The following SEMA3A variants were observed in gnomAD, a reference collection of about 807,000 sequenced individuals.
SEMA3A encodes semaphorin 3A.
SEMA3A carries 29 observed loss-of-function variants against 97.9 expected under a neutral mutation model. That is an observed-to-expected ratio of 0.30 (90% CI 0.22 to 0.40). SEMA3A has a LOEUF of 0.40. Ranked by LOEUF, SEMA3A falls within the 10% of genes least tolerant of loss-of-function variation. SEMA3A has a pLI of 1.00. For missense variants in SEMA3A, 763 were observed against 951.3 expected (o/e 0.80, Z 2.60); for synonymous variants, 321 against 323.7 (o/e 0.99, Z 0.09).
intron 5 of SEMA3A, among the ~76,000 whole-genome samples, chr7:84,058,999 T>C (rs760679895): frequency 6.6e-6 from 1 of 152,044 alleles, no homozygotes; most frequent in Non-Finnish European, 1.5e-5. Flanking sequence ...CTGAGAAACA[T>C]ACCATGAAGT....
At chr7:84,202,968 C>T (rs1439960760) in intron 3 of SEMA3A, among the ~76,000 whole-genome samples, 2 of 152,004 alleles carry the variant, frequency 1.3e-5, no homozygotes, top group African/African-American at 4.8e-5. Flanking sequence ...TGTTGTTTTT[C>T]ATCCCTTCTA....
rs150205475 is a variant in SEMA3A at position 83,961,735 on chromosome 7, G to A, written c.1952C>T (p.Ala651Val). 60 of 1,613,718 alleles carry A rather than the reference G, an allele frequency of 3.7e-5. No individual in the cohort carries two copies. The highest frequency in any genetic ancestry group is 6.7e-5 in the African/African-American group (5 of 75,008). Residue 651 changes from alanine to valine, a missense_variant, in exon 17 of 17, where the codon GCG (alanine) becomes GTG (valine). By Grantham distance (64) the Ala-to-Val change is moderately conservative. Around this residue, in one of 2 missense-constraint regions of SEMA3A, gnomAD observed 678 missense variants for 881.3 expected, o/e 0.77. Transcript: ENST00000265362. ...AGTTTGTATGAACCCATGTTCCACC[G>A]CATGGCAGAGGTAATTGCCTGAATC... is the stretch of plus-strand genomic sequence containing the variant. ...QKDSGNYLCHAVEHGFIQTLL... is the reference protein window; with the variant it reads ...QKDSGNYLCHVVEHGFIQTLL...
chr7:84,170,464 A>G lies in SEMA3A; in HGVS notation c.112+24011T>C, dbSNP rs117698375. Among the ~76,000 whole-genome samples the G allele has an allele frequency of 7.5e-3, 1,142 of 152,072 alleles. 7 individuals are homozygous for G. Among genetic ancestry groups the G allele is most frequent in the Non-Finnish European group, 0.012 (843 of 67,832 alleles). On this transcript the variant is annotated intron_variant, in intron 1 of 16. Transcript: ENST00000265362. The stretch of plus-strand genomic sequence containing the variant: ...CTTTAACAAATACTTTATTTGGTTT[A>G]TTTAGAAAATCCTATTGCAAATTTT...
intron 2 of SEMA3A, among the ~76,000 whole-genome samples, chr7:84,348,062 G>T (rs1802344806): frequency 6.6e-6 from 1 of 151,986 alleles, no homozygotes; most frequent in South Asian, 2.1e-4. Context: ...AATGTATGGG[G>T]ACTCTGCATT....
intron 5 of SEMA3A, among the ~76,000 whole-genome samples, chr7:84,051,261 C>T (rs376929285): frequency 6.6e-6 from 1 of 151,928 alleles, no homozygotes; most frequent in South Asian, 2.1e-4. Context: ...TGATTGGTAG[C>T]TTGATGGGGA....
intron 12 of SEMA3A, among the ~76,000 whole-genome samples, chr7:83,990,362 CT>C (rs1393051080): frequency 6.6e-6 from 1 of 151,656 alleles, no homozygotes; most frequent in Non-Finnish European, 1.5e-5. Context: ...GTTGCCATGG[CT>C]TTTGGTGTTT....
rs202150991 is a variant in SEMA3A, at chr7:84,149,046, A to AC, written c.113-14096dup. On this transcript the variant is annotated intron_variant, in intron 1 of 16. Coordinates refer to ENST00000265362, the MANE Select transcript of SEMA3A (RefSeq NM_006080.3). ...ACTGCACAAAGGGTTGATTCTTCCA[A>AC]CCCCACCTTGTTCAAGAGTTAACTG... Among the ~76,000 whole-genome samples the AC allele has an allele frequency of 1.1e-3, 174 of 152,202 alleles. 1 individual carries two copies. The East Asian group carries it at 0.013, about 12-fold the overall frequency.
At chr7:84,252,882 T>G (rs1799640594) in intron 3 of SEMA3A, among the ~76,000 whole-genome samples, 1 of 152,072 alleles carries the variant, frequency 6.6e-6, no homozygotes, top group Admixed American at 6.6e-5. Context: ...TATTTTTATT[T>G]TATTTTATTT....
At chr7:84,158,747 A>T (rs1488223707) in intron 1 of SEMA3A, among the ~76,000 whole-genome samples, 1 of 152,208 alleles carries the variant, frequency 6.6e-6, no homozygotes, top group Non-Finnish European at 1.5e-5. Context: ...ATTAAAAATT[A>T]TTGAGAAAAT....
At chr7:84,387,746 C>A (rs1803436397) in intron 1 of SEMA3A, among the ~76,000 whole-genome samples, 1 of 152,082 alleles carries the variant, frequency 6.6e-6, no homozygotes, top group Non-Finnish European at 1.5e-5. Context: ...CTCTTTAAAA[C>A]CAGAAACTGT....
intron 3 of SEMA3A, among the ~76,000 whole-genome samples, chr7:84,249,479 A>T (rs1799558403): frequency 6.6e-6 from 1 of 151,978 alleles, no homozygotes; most frequent in African/African-American, 2.4e-5. Context: ...ATGCAGGTAA[A>T]ATAAACACAT....
intron 1 of SEMA3A, among the ~76,000 whole-genome samples, chr7:84,153,359 T>G (rs2116133713): frequency 6.6e-6 from 1 of 152,312 alleles, no homozygotes; most frequent in South Asian, 2.1e-4. Flanking sequence ...AGGGAGCATT[T>G]GAACTATCAG....
At chr7:84,001,164 C>G (rs1790431753) in intron 12 of SEMA3A, among the ~76,000 whole-genome samples, 1 of 150,984 alleles carries the variant, frequency 6.6e-6, no homozygotes, top group Non-Finnish European at 1.5e-5. Flanking sequence ...ATGTATTTTT[C>G]TGTCATATGT....
Position 83,958,144 on chromosome 7 carries a change from A to T in SEMA3A, c.*3227T>A, listed in dbSNP as rs961289126. On this transcript the variant is annotated 3_prime_UTR_variant, in exon 17 of 17. Coordinates refer to ENST00000265362, the MANE Select transcript of SEMA3A (RefSeq NM_006080.3). ...ACATTTCCTTTTTAGGTATGACATT[A>T]AAAAGAACAATACTTAATTTAAAGG... 6.6e-6 allele frequency: 1 copy of T among 152,122 alleles called. No individual in the cohort carries two copies. The highest frequency in any genetic ancestry group is 1.5e-5 in the Non-Finnish European group (1 of 67,950). The allele number at this position is 152,122 out of a possible 1,614,324, so 9.4% of individuals were successfully genotyped here.
At chr7:84,415,711 T>C (rs1040742351) in intron 1 of SEMA3A, among the ~76,000 whole-genome samples, 1 of 152,084 alleles carries the variant, frequency 6.6e-6, no homozygotes, top group East Asian at 1.9e-4. Context: ...ATATGTAGCA[T>C]GTTTTGGCAT....
At chr7:84,403,963 CG>C (rs1803987191) in intron 1 of SEMA3A, among the ~76,000 whole-genome samples, 1 of 152,000 alleles carries the variant, frequency 6.6e-6, no homozygotes, top group Non-Finnish European at 1.5e-5. Flanking sequence ...GCAGAAAAAC[CG>C]GAAACTCTAA....
At chr7:84,261,454 T>TC (rs754976730) in intron 3 of SEMA3A, among the ~76,000 whole-genome samples, 78 of 152,310 alleles carry the variant, frequency 5.1e-4, no homozygotes, top group Non-Finnish European at 3.7e-4. Context: ...ATCTAGGGGC[T>TC]CCCTGAGCCA....
intron 1 of SEMA3A, among the ~76,000 whole-genome samples, chr7:84,408,357 C>G (rs1804162336): frequency 6.6e-6 from 1 of 152,050 alleles, no homozygotes; most frequent in Non-Finnish European, 1.5e-5. Context: ...CATCTCACAC[C>G]AGTTAGAATG....
At chr7:84,231,307 T>G (rs1562863386) in intron 3 of SEMA3A, among the ~76,000 whole-genome samples, 1 of 151,950 alleles carries the variant, frequency 6.6e-6, no homozygotes, top group Non-Finnish European at 1.5e-5. Flanking sequence ...AATAAATATG[T>G]GTCTGCCCAC....
Sources: allele counts gnomAD v4.1 joint callset (sites outside exome capture counted in the v4.1 genomes callset), GRCh38; gene constraint gnomAD v4.1.1; regional missense constraint gnomAD v4.1.1; transcripts MANE v1.5; gene names NCBI Gene and HGNC (gene_info 2026-07-23, HGNC 2026-07-21).